Variants in PRKG1 observed in about 807,000 individuals in gnomAD.
The protein encoded by PRKG1 is protein kinase cGMP-dependent 1, also known as cGMP-dependent protein kinase 1.
A neutral mutation model predicts 88.1 loss-of-function variants in PRKG1; 35 were observed. That is an observed-to-expected ratio of 0.40 (90% CI 0.30 to 0.53). PRKG1 has a LOEUF of 0.53. PRKG1 is among the 20% of genes least tolerant of loss of function. The probability of loss-of-function intolerance (pLI) is 0.59; values close to 1 mark genes in which losing one functional copy is unlikely to be tolerated. For missense variants in PRKG1, 540 were observed against 839.8 expected (o/e 0.64, Z 4.41); for synonymous variants, 303 against 292.5 (o/e 1.04, Z -0.37).
intron 2 of PRKG1, among the ~76,000 whole-genome samples, chr10:51,421,408 G>A (rs2132707594): frequency 6.6e-6 from 1 of 152,168 alleles, no homozygotes. Context: ...CAAACACCTG[G>A]CCTCAAGTGA....
At chr10:51,088,808 A>ATTTTTT (rs200475991) in intron 1 of PRKG1, among the ~76,000 whole-genome samples, 14 of 137,028 alleles carry the variant, frequency 1.0e-4, no homozygotes, top group African/African-American at 3.8e-4. Flanking sequence ...ATTTAATATG[A>ATTTTTT]TTTTTTTTTT....
chr10:51,748,641 G>C (rs571954451), intron 3 of PRKG1, among the ~76,000 whole-genome samples: 1 of 152,202 alleles, frequency 6.6e-6, no homozygotes, highest in South Asian at 2.1e-4. Flanking sequence ...TTGTTTTTCT[G>C]TCTTAATTGG....
chr10:52,185,777 G>A (rs1169345486), intron 9 of PRKG1, among the ~76,000 whole-genome samples: 1 of 152,166 alleles, frequency 6.6e-6, no homozygotes, highest in Admixed American at 6.5e-5. Context: ...TACACCACAG[G>A]GAAGCCACCA....
intron 3 of PRKG1, among the ~76,000 whole-genome samples, chr10:51,724,552 A>T (rs918518606): frequency 1.3e-5 from 2 of 152,108 alleles, no homozygotes; most frequent in African/African-American, 4.8e-5. Flanking sequence ...TTGAATAATG[A>T]TGATTATTAT....
intron 2 of PRKG1, among the ~76,000 whole-genome samples, chr10:51,397,289 G>A (rs1270126760): frequency 6.6e-6 from 1 of 152,010 alleles, no homozygotes; most frequent in Non-Finnish European, 1.5e-5. Flanking sequence ...GACCTTTGGG[G>A]CCATCATGAT....
chr10:52,204,835 G>A (rs1230841958), intron 9 of PRKG1, among the ~76,000 whole-genome samples: 1 of 152,138 alleles, frequency 6.6e-6, no homozygotes, highest in African/African-American at 2.4e-5. Flanking sequence ...GGATAACAGT[G>A]GTTTTCAGGG....
chr10:51,298,857 T>C (rs989468953), intron 2 of PRKG1, among the ~76,000 whole-genome samples: 5 of 152,170 alleles, frequency 3.3e-5, no homozygotes, highest in African/African-American at 4.8e-5. Context: ...TCCTGGCACA[T>C]AGTAGGCATG....
chr10:51,163,097 G>A (rs538262030), intron 2 of PRKG1, among the ~76,000 whole-genome samples: 12 of 151,296 alleles, frequency 7.9e-5, no homozygotes, highest in South Asian at 2.1e-4. Context: ...TTCGCGAGGC[G>A]GAGGCTGGGG....
At chr10:51,934,236 G>A (rs991209010) in intron 5 of PRKG1, among the ~76,000 whole-genome samples, 3 of 148,248 alleles carry the variant, frequency 2.0e-5, no homozygotes, top group Non-Finnish European at 4.5e-5. Flanking sequence ...AGGGTTGTGT[G>A]CATGATTACA....
chr10:51,172,939 G>GCCCTGA (rs776197844), intron 2 of PRKG1, among the ~76,000 whole-genome samples: 3 of 151,922 alleles, frequency 2.0e-5, no homozygotes, highest in Non-Finnish European at 4.4e-5. Context: ...CCGATGCCTA[G>GCCCTGA]CCCTGAGCTG....
intron 9 of PRKG1, among the ~76,000 whole-genome samples, chr10:52,186,666 A>G (rs1839209236): frequency 6.6e-6 from 1 of 152,070 alleles, no homozygotes; most frequent in Admixed American, 6.6e-5. Context: ...GCAGCATATT[A>G]TACATCCCAA....
intron 5 of PRKG1, among the ~76,000 whole-genome samples, chr10:51,962,199 T>C (rs1843463863): frequency 6.6e-6 from 1 of 152,076 alleles, no homozygotes; most frequent in African/African-American, 2.4e-5. Flanking sequence ...CAAGGATGGG[T>C]AGGAGCACTA....
intron 5 of PRKG1, among the ~76,000 whole-genome samples, chr10:51,941,429 C>T (rs887777883): frequency 2.6e-5 from 4 of 151,698 alleles, no homozygotes; most frequent in South Asian, 2.1e-4. Flanking sequence ...TTTGATCACA[C>T]GTGCTTATGT....
chr10:51,350,572 T>G (rs1272781356), intron 2 of PRKG1, among the ~76,000 whole-genome samples: 1 of 152,148 alleles, frequency 6.6e-6, no homozygotes, highest in Non-Finnish European at 1.5e-5. Context: ...CTGGAAGTCT[T>G]AGCGAGAGAG....
At chr10:52,088,858 A>G (rs1846980980) in intron 7 of PRKG1, among the ~76,000 whole-genome samples, 1 of 152,236 alleles carries the variant, frequency 6.6e-6, no homozygotes, top group East Asian at 1.9e-4. Context: ...GAAAACAAAT[A>G]CACGCTGTTG....
chr10:50,991,286 C>G lies in PRKG1; in HGVS notation c.-93C>G. ...GCGCCCATTCACTCGCTCACCCGCG[C>G]TCTCCGCTGCCGGCTGCCGTCCCAG... On this transcript the variant is annotated 5_prime_UTR_variant, in exon 1 of 18. Coordinates refer to the PRKG1 transcript ENST00000401604. This position sits in a 1 kb window ranked among gnomAD's most constrained non-coding sequence, Gnocchi z 4.5. The G allele has an allele frequency of 6.9e-7, 1 of 1,449,842 alleles. No homozygotes were observed. The highest frequency in any genetic ancestry group is 2.8e-5 in the East Asian group (1 of 35,408). The allele number at this position is 1,449,842 out of a possible 1,614,324, so 89.8% of individuals were successfully genotyped here. A position where few individuals can be genotyped will look rare whatever the true frequency, so the allele number is the denominator to read the frequency against.
At chr10:51,759,259 G>A (rs1176434234) in intron 3 of PRKG1, among the ~76,000 whole-genome samples, 2 of 151,882 alleles carry the variant, frequency 1.3e-5, no homozygotes, top group Non-Finnish European at 2.9e-5. Flanking sequence ...CTAGGTCTTT[G>A]AGGATCTTTT....
intron 10 of PRKG1, among the ~76,000 whole-genome samples, chr10:52,257,372 T>C (rs1167935214): frequency 1.4e-5 from 2 of 139,216 alleles, no homozygotes; most frequent in African/African-American, 5.0e-5. Context: ...AGCAAGAAGT[T>C]AGGTGATAAA....
chr10:51,105,221 T>C (rs1014695709), intron 1 of PRKG1, among the ~76,000 whole-genome samples: 5 of 152,248 alleles, frequency 3.3e-5, no homozygotes, highest in Admixed American at 6.5e-5. Flanking sequence ...TAAAATGTAT[T>C]CAAGTGTAAT....
Sources: allele counts gnomAD v4.1 joint callset (sites outside exome capture counted in the v4.1 genomes callset), GRCh38; gene constraint gnomAD v4.1.1; non-coding constraint Gnocchi (gnomAD v3.1); transcripts MANE v1.5; gene names NCBI Gene and HGNC (gene_info 2026-07-23, HGNC 2026-07-21).